HS3ST5: variants seen among roughly 807,000 people sequenced by gnomAD.
HS3ST5 encodes the protein heparan sulfate glucosamine 3-O-sulfotransferase 5.
A neutral mutation model predicts 25.4 loss-of-function variants in HS3ST5; 10 were observed. The observed-to-expected ratio is 0.39, with a 90% CI of 0.24 to 0.67. The LOEUF is 0.67. Ranked by LOEUF, HS3ST5 falls within the 30% of genes least tolerant of loss-of-function variation. The pLI is 0.44. For synonymous variants in HS3ST5, 170 were observed against 162.4 expected, an observed-to-expected ratio of 1.05 and a Z score of -0.36; for missense variants, 324 against 420.7, an observed-to-expected ratio of 0.77 and a Z score of 2.01.
intron 2 of HS3ST5, among the ~76,000 whole-genome samples, chr6:114,196,549 A>G (rs1780767043): frequency 6.6e-6 from 1 of 152,102 alleles, no homozygotes; most frequent in Middle Eastern, 3.2e-3. Context: ...CTAATGACAA[A>G]ACCAAATAAA....
intron 3 of HS3ST5, among the ~76,000 whole-genome samples, chr6:114,073,669 G>A (rs1418651613): frequency 6.6e-6 from 1 of 152,178 alleles, no homozygotes; most frequent in African/African-American, 2.4e-5. Context: ...GGAGAAATAG[G>A]AACACTTTTA....
At chr6:114,263,658 A>G (rs34224473) in intron 1 of HS3ST5, among the ~76,000 whole-genome samples, 7,384 of 152,350 alleles carry the variant, frequency 0.048, 257 homozygotes, top group Non-Finnish European at 0.073. Flanking sequence ...GTGAAATAGC[A>G]TTAAGGGCAT....
intron 2 of HS3ST5, among the ~76,000 whole-genome samples, chr6:114,212,694 T>C (rs1327361832): frequency 6.6e-6 from 1 of 152,212 alleles, no homozygotes; most frequent in African/African-American, 2.4e-5. Context: ...ACTCTAAATA[T>C]ATTGCCTGTG....
chr6:114,114,522 G>A (rs532835976), intron 3 of HS3ST5, among the ~76,000 whole-genome samples: 1 of 152,216 alleles, frequency 6.6e-6, no homozygotes, highest in Non-Finnish European at 1.5e-5. Context: ...TGCAAAAACA[G>A]GAATGCTGGG....
At chr6:114,216,307 C>T (rs1781758369) in intron 2 of HS3ST5, among the ~76,000 whole-genome samples, 1 of 152,214 alleles carries the variant, frequency 6.6e-6, no homozygotes, top group Non-Finnish European at 1.5e-5. Context: ...TCTCAGCAAT[C>T]TGGCAAAGCC....
At chr6:114,112,571 C>T (rs2114851911) in intron 3 of HS3ST5, 1 of 152,312 alleles carries the variant, frequency 6.6e-6, no homozygotes, top group Middle Eastern at 3.4e-3. Flanking sequence ...CGGTTAAATT[C>T]AACTATCTAC....
intron 3 of HS3ST5, among the ~76,000 whole-genome samples, chr6:114,088,210 G>C (rs545159629): frequency 1.3e-5 from 2 of 152,168 alleles, no homozygotes; most frequent in East Asian, 3.9e-4. Flanking sequence ...GGATGTGCTA[G>C]CCTACAGCAT....
chr6:114,196,894 T>C, intron 2 of HS3ST5, among the ~76,000 whole-genome samples: 1 of 151,906 alleles, frequency 6.6e-6, no homozygotes, highest in Non-Finnish European at 1.5e-5. Flanking sequence ...AAATAAACAT[T>C]GGGTGAAAAG....
intron 1 of HS3ST5, among the ~76,000 whole-genome samples, chr6:114,243,384 C>G (rs1253087748): frequency 6.6e-6 from 1 of 152,160 alleles, no homozygotes; most frequent in African/African-American, 2.4e-5. Context: ...TCTCTGACTT[C>G]TTAAATAAAA....
chr6:114,206,401 T>G (rs1179386699), intron 2 of HS3ST5, among the ~76,000 whole-genome samples: 1 of 152,142 alleles, frequency 6.6e-6, no homozygotes, highest in Non-Finnish European at 1.5e-5. Context: ...TCTATAACAT[T>G]GCTCAGTAAT....
intron 1 of HS3ST5, among the ~76,000 whole-genome samples, chr6:114,268,255 T>C (rs1773494420): frequency 6.6e-6 from 1 of 151,870 alleles, no homozygotes; most frequent in African/African-American, 2.4e-5. Context: ...GTTTACTCAG[T>C]TCTCTTAGAG....
intron 1 of HS3ST5, among the ~76,000 whole-genome samples, chr6:114,297,592 C>T (rs1380290390): frequency 6.6e-6 from 1 of 152,106 alleles, no homozygotes; most frequent in Non-Finnish European, 1.5e-5. Context: ...CTAATGAAGG[C>T]CTTTCTCCTG....
chr6:114,097,754 T>A lies in HS3ST5; in HGVS notation c.-32-34877A>T, dbSNP rs75952193. Among the ~76,000 whole-genome samples, 41 of 151,848 alleles carry A rather than the reference T, an allele frequency of 2.7e-4. No individual in the cohort carries two copies. The East Asian group carries it at 7.0e-3, about 26-fold the overall frequency. On this transcript the variant is annotated intron_variant, in intron 3 of 4. Transcript: ENST00000312719. ...TCTACTTCCTTATTCTTTCCTTTTTTAAAAAAAATCAAAGTATAGTATATA... is the reference window on the plus strand; with the variant it reads ...TCTACTTCCTTATTCTTTCCTTTTTAAAAAAAAATCAAAGTATAGTATATA...
chr6:114,254,384 G>T (rs1221158527), intron 1 of HS3ST5, among the ~76,000 whole-genome samples: 1 of 152,204 alleles, frequency 6.6e-6, no homozygotes, highest in African/African-American at 2.4e-5. Flanking sequence ...GTTGTGGATT[G>T]GGATTCATAC....
chr6:114,106,151 T>A (rs1775982257), intron 3 of HS3ST5, among the ~76,000 whole-genome samples: 1 of 152,088 alleles, frequency 6.6e-6, no homozygotes, highest in Non-Finnish European at 1.5e-5. Flanking sequence ...AAGAAGAAGA[T>A]AATAGGGCAA....
rs113369805 is a variant in HS3ST5 at position 114,213,230 on chromosome 6, C to T, written c.-145+15355G>A. ...CAAGCTGTTTCTTCTTTCTGACATC[C>T]GGCTGCTTCTCTTCTCCTCTCCTCT... On this transcript the variant is annotated intron_variant, in intron 2 of 4. Coordinates refer to ENST00000312719, the MANE Select transcript of HS3ST5 (RefSeq NM_153612.4). Among the ~76,000 whole-genome samples, 297 of 151,638 alleles carry T rather than the reference C, an allele frequency of 2.0e-3. 6 individuals are homozygous for T. The highest frequency in any genetic ancestry group is 0.014 in the East Asian group (71 of 5,128).
In HS3ST5 at chr6:114,335,400, C is replaced by T. The variant is rs538723744; in HGVS notation, c.-339+6795G>A. On this transcript the variant is annotated intron_variant, in intron 1 of 4. Transcript: ENST00000312719. The stretch of plus-strand genomic sequence containing the variant: ...TGACCAGAGTTAGGAAATAGCTTTT[C>T]CCTTTATACACTGAGTTCTATAAGG... Among the ~76,000 whole-genome samples the T allele has an allele frequency of 1.4e-4, 22 of 151,888 alleles. 1 individual carries two copies. In the South Asian group the frequency reaches 4.4e-3, roughly 30 times the overall value.
chr6:114,287,286 A>G (rs73770055), intron 1 of HS3ST5, among the ~76,000 whole-genome samples: 100 of 152,100 alleles, frequency 6.6e-4, no homozygotes, highest in African/African-American at 2.4e-3. Context: ...TCATTAGTTT[A>G]CAAACCCTAT....
intron 1 of HS3ST5, among the ~76,000 whole-genome samples, chr6:114,321,839 G>A (rs1775983041): frequency 6.6e-6 from 1 of 152,028 alleles, no homozygotes; most frequent in Non-Finnish European, 1.5e-5. Context: ...CGTGATAAAG[G>A]AAGGTAAAGA....
Sources: gnomAD v4.1 joint callset for allele counts (sites outside exome capture counted in the v4.1 genomes callset) on GRCh38, gnomAD v4.1.1 for gene constraint, MANE v1.5 for transcripts, NCBI Gene and HGNC (gene_info 2026-07-23, HGNC 2026-07-21) for gene names.